Variants in FAM76A observed in about 807,000 individuals in gnomAD.
FAM76A encodes the protein family with sequence similarity 76 member A, also known as protein FAM76A.
A neutral mutation model predicts 46.2 loss-of-function variants in FAM76A; 32 were observed. That is an observed-to-expected ratio of 0.69 (90% CI 0.52 to 0.93). The LOEUF (loss-of-function observed/expected upper bound fraction) is 0.93. Among genes scored for constraint, FAM76A ranks in the 40% least tolerant of loss-of-function variants. The probability of loss-of-function intolerance (pLI) is 0.00; values close to 1 mark genes in which losing one functional copy is unlikely to be tolerated. For synonymous variants in FAM76A, 137 were observed against 127.0 expected (o/e 1.08, Z -0.53); for missense variants, 274 against 361.5 (o/e 0.76, Z 1.96).
chr1:27,751,389 G>T, intron 6 of FAM76A, among the ~76,000 whole-genome samples: 1 of 150,060 alleles, frequency 6.7e-6, no homozygotes, highest in Admixed American at 6.6e-5. Context: ...TACTTGTTGT[G>T]GGTTTTTTTT....
chr1:27,732,546 G>C, intron 2 of FAM76A, 57 bp from the exon 3 acceptor site: 3 of 1,508,444 alleles, frequency 2.0e-6, no homozygotes. Flanking sequence ...TGGGCTTAAG[G>C]AGGTATCAGT....
At chr1:27,740,679 A>G in intron 4 of FAM76A, 1 of 507,640 alleles carries the variant, frequency 2.0e-6, no homozygotes, top group Non-Finnish European at 3.5e-6. Flanking sequence ...TTTTTACCAG[A>G]AAACAGGAAT....
chr1:27,744,444 T>C (rs1039147285), intron 4 of FAM76A, among the ~76,000 whole-genome samples: 1 of 152,128 alleles, frequency 6.6e-6, no homozygotes, highest in African/African-American at 2.4e-5. Flanking sequence ...TGAAATTTAT[T>C]AAGCAACTTT....
intron 4 of FAM76A, among the ~76,000 whole-genome samples, chr1:27,744,077 G>A (rs542186292): frequency 6.6e-6 from 1 of 152,206 alleles, no homozygotes; most frequent in Non-Finnish European, 1.5e-5. Context: ...AACTTGAAGA[G>A]AAACAAAACA....
At chr1:27,741,193 ATTTT>A (rs767134759) in intron 4 of FAM76A, among the ~76,000 whole-genome samples, 2 of 116,494 alleles carry the variant, frequency 1.7e-5, no homozygotes, top group Admixed American at 9.0e-5. Context: ...GGGAGATTTG[ATTTT>A]TTTTTTTTTT....
At position 27,752,565 on chromosome 1, in the gene FAM76A, G is replaced by A. The variant is rs145026116; in HGVS notation, c.600-2630G>A. On this transcript the variant is annotated intron_variant, in intron 6 of 8. Coordinates refer to ENST00000373954, the MANE Select transcript of FAM76A (RefSeq NM_152660.3). ...CAGCTTGTGGTTTATTGTTTCTAAA[G>A]GACATTCTTTTTTTTAACTCGTAGT... 1.3e-3 allele frequency among the ~76,000 whole-genome samples: 202 copies of A among 152,240 alleles called. 1 individual carries two copies. The highest frequency in any genetic ancestry group is 4.6e-3 in the African/African-American group (193 of 41,548).
At chr1:27,741,522 G>A (rs1186422631) in intron 4 of FAM76A, among the ~76,000 whole-genome samples, 2 of 151,962 alleles carry the variant, frequency 1.3e-5, no homozygotes, top group Non-Finnish European at 1.5e-5. Context: ...GTGTCTTAAT[G>A]CCTAAGGAGG....
chr1:27,731,581 G>C (rs2087959197), intron 2 of FAM76A, among the ~76,000 whole-genome samples: 1 of 152,094 alleles, frequency 6.6e-6, no homozygotes, highest in African/African-American at 2.4e-5. Flanking sequence ...TACTTATGAA[G>C]GAGAGCACAG....
Position 27,760,564 on chromosome 1 carries a change from G to T in FAM76A, c.907G>T (p.Ala303Ser), listed in dbSNP as rs777353872. Residue 303 changes from alanine (A) to serine (S), a missense_variant, in exon 9 of 9, where the codon GCT (alanine) becomes TCT (serine). Physicochemically the swap from Ala to Ser is moderately conservative, Grantham distance 99. Transcript: ENST00000373954. ...GAGCAAGAAGTCAGAGAAGTCAGGA[G>T]CTATAACCTCTCCATGACAGACCTC... is the stretch of plus-strand genomic sequence containing the variant. ...SKSKKSEKSG[A>S]ITSP 6.2e-7 allele frequency: 1 copy of T among 1,611,898 alleles called. No individual in the cohort carries two copies. Among genetic ancestry groups the T allele is most frequent in the East Asian group, 2.2e-5 (1 of 44,822 alleles).
At chr1:27,742,906 A>G (rs2088179064) in intron 4 of FAM76A, among the ~76,000 whole-genome samples, 1 of 151,684 alleles carries the variant, frequency 6.6e-6, no homozygotes, top group African/African-American at 2.4e-5. Context: ...TAAAAATACA[A>G]AAAAAAATTA....
intron 2 of FAM76A, 22 bp downstream of exon 2, chr1:27,727,558 A>G (rs764235021): frequency 6.3e-7 from 1 of 1,597,318 alleles, no homozygotes; most frequent in Non-Finnish European, 8.6e-7. Context: ...TTGACCATGA[A>G]AGATATTAAT....
intron 7 of FAM76A, 118 bp from the exon 8 acceptor site, chr1:27,759,408 A>G (rs2088466336): frequency 3.4e-6 from 2 of 593,378 alleles, no homozygotes; most frequent in Non-Finnish European, 3.0e-6. Flanking sequence ...TGATTTAGAT[A>G]CGGATCTGCA....
intron 2 of FAM76A, among the ~76,000 whole-genome samples, chr1:27,728,446 G>A (rs529805406): frequency 6.6e-5 from 10 of 151,716 alleles, no homozygotes; most frequent in South Asian, 4.2e-4. Flanking sequence ...TGGACCTCCC[G>A]GGCCCAAGTG....
intron 2 of FAM76A, among the ~76,000 whole-genome samples, chr1:27,729,968 C>T (rs760189854): frequency 4.3e-4 from 66 of 152,132 alleles, no homozygotes; most frequent in Non-Finnish European, 9.3e-4. Flanking sequence ...TTTTCATTTC[C>T]ACCATAAATT....
intron 4 of FAM76A, among the ~76,000 whole-genome samples, chr1:27,743,265 C>G (rs955111793): frequency 6.6e-6 from 1 of 152,064 alleles, no homozygotes; most frequent in Non-Finnish European, 1.5e-5. Context: ...ATTCTCCCAC[C>G]TCAGCCTCCC....
chr1:27,741,103 G>C (rs1265933599), intron 4 of FAM76A, among the ~76,000 whole-genome samples: 2 of 149,648 alleles, frequency 1.3e-5, no homozygotes, highest in Non-Finnish European at 3.0e-5. Flanking sequence ...TTGCACTCCA[G>C]CCTGGGCAAC....
At chr1:27,740,855 G>A (rs1288515410) in intron 4 of FAM76A, among the ~76,000 whole-genome samples, 1 of 152,170 alleles carries the variant, frequency 6.6e-6, no homozygotes, top group East Asian at 1.9e-4. Flanking sequence ...GGGCCCGGGT[G>A]TGGTGGCTCA....
chr1:27,728,015 C>G (rs539306054), intron 2 of FAM76A, among the ~76,000 whole-genome samples: 16 of 152,032 alleles, frequency 1.1e-4, no homozygotes, highest in African/African-American at 3.9e-4. Context: ...ACCATCTTGG[C>G]CAGGTTGGTC....
intron 2 of FAM76A, among the ~76,000 whole-genome samples, chr1:27,730,842 G>T (rs1411049169): frequency 6.6e-6 from 1 of 152,084 alleles, no homozygotes; most frequent in Non-Finnish European, 1.5e-5. Flanking sequence ...GTGTGACAGG[G>T]TCTCACTCTG....
Sources: gnomAD v4.1 joint callset for allele counts (sites outside exome capture counted in the v4.1 genomes callset) on GRCh38, gnomAD v4.1.1 for gene constraint, MANE v1.5 for transcripts, NCBI Gene and HGNC (gene_info 2026-07-23, HGNC 2026-07-21) for gene names.